Variants in PTPRD observed in about 807,000 individuals in gnomAD.
PTPRD encodes protein tyrosine phosphatase receptor type D.
Under a neutral mutation model 214.5 loss-of-function variants are expected in PTPRD, and 34 were observed. The ratio of observed to expected loss-of-function variants is 0.16; its 90% CI spans 0.12 to 0.21. The LOEUF (loss-of-function observed/expected upper bound fraction) is 0.21. Among genes scored for constraint, PTPRD ranks in the 10% least tolerant of loss-of-function variants. The probability of loss-of-function intolerance (pLI) is 1.00; values close to 1 mark genes in which losing one functional copy is unlikely to be tolerated. For missense variants in PTPRD, 2,545 were observed against 2,398.7 expected (o/e 1.06, Z -1.27); for synonymous variants, 1,128 against 845.7 (o/e 1.33, Z -5.79).
chr9:10,097,745 G>A (rs954313079), intron 3 of PTPRD, among the ~76,000 whole-genome samples: 5 of 151,878 alleles, frequency 3.3e-5, no homozygotes, highest in South Asian at 2.1e-4. Context: ...TCTCCTGCCT[G>A]ATTGCCCTGG....
intron 11 of PTPRD, among the ~76,000 whole-genome samples, chr9:8,873,746 C>T (rs993495150): frequency 6.6e-6 from 1 of 152,022 alleles, no homozygotes; most frequent in Non-Finnish European, 1.5e-5. Flanking sequence ...GGGACTAGGT[C>T]TCGTTGGTGT....
At chr9:9,409,456 T>C (rs1020404981) in intron 8 of PTPRD, among the ~76,000 whole-genome samples, 8 of 152,104 alleles carry the variant, frequency 5.3e-5, no homozygotes, top group African/African-American at 1.7e-4. Context: ...ACTTCAAATA[T>C]GCAGTATTAA....
intron 7 of PTPRD, among the ~76,000 whole-genome samples, chr9:9,579,038 G>T (rs1026398570): frequency 2.8e-4 from 43 of 151,916 alleles, no homozygotes; most frequent in African/African-American, 8.9e-4. Context: ...TTAATCCAAG[G>T]AGTCTTGCTT....
At chr9:9,715,794 A>G (rs1249909538) in intron 7 of PTPRD, among the ~76,000 whole-genome samples, 1 of 152,210 alleles carries the variant, frequency 6.6e-6, no homozygotes, top group Non-Finnish European at 1.5e-5. Flanking sequence ...TTCACAGAAT[A>G]TATAATTCTA....
chr9:8,469,279 G>C (rs763099668), intron 31 of PTPRD, among the ~76,000 whole-genome samples: 18 of 152,160 alleles, frequency 1.2e-4, no homozygotes, highest in Non-Finnish European at 2.4e-4. Context: ...GGCTACAAAA[G>C]AGAATCACTT....
chr9:10,554,775 C>T (rs925300573), intron 2 of PTPRD, among the ~76,000 whole-genome samples: 2 of 152,138 alleles, frequency 1.3e-5, no homozygotes, highest in African/African-American at 4.8e-5. Flanking sequence ...ATTCTCCTGC[C>T]TCAGCCTCCC....
chr9:9,321,000 T>C (rs776581067), intron 9 of PTPRD, among the ~76,000 whole-genome samples: 1 of 152,046 alleles, frequency 6.6e-6, no homozygotes, highest in African/African-American at 2.4e-5. Flanking sequence ...ATAAACAATA[T>C]GGGTCAGTGA....
chr9:9,584,929 T>C (rs2091659236), intron 7 of PTPRD, among the ~76,000 whole-genome samples: 1 of 152,032 alleles, frequency 6.6e-6, no homozygotes, highest in South Asian at 2.1e-4. Context: ...AAAATTCTAA[T>C]GATGCCCTTT....
intron 6 of PTPRD, among the ~76,000 whole-genome samples, chr9:9,754,266 G>A (rs1429410449): frequency 6.6e-6 from 1 of 152,020 alleles, no homozygotes; most frequent in East Asian, 1.9e-4. Flanking sequence ...CAATCTTCCA[G>A]AGGGTACAAA....
In PTPRD at chr9:8,521,296, T is replaced by G; in HGVS notation, c.942A>C (p.Ile314=). The G allele has an allele frequency of 6.2e-7, 1 of 1,613,640 alleles. No individual in the cohort carries two copies. The highest frequency in any genetic ancestry group is 8.5e-7 in the Non-Finnish European group (1 of 1,179,696). Residue 314 remains isoleucine, a synonymous_variant, in exon 20 of 46, where the codon ATA becomes ATC. Coordinates refer to ENST00000381196, the MANE Select transcript of PTPRD (RefSeq NM_002839.4). The part of the protein sequence containing the change: ...AMSTLGVIEA[I]AQITVKALPK... ...GCATACCTTTGACAGTGATCTGTGC[T>G]ATTGCTTCAATGACACCCAGTGTTG...
At chr9:9,534,085 TAAAAATAGGGGC>T (rs2076041649) in intron 8 of PTPRD, among the ~76,000 whole-genome samples, 1 of 151,994 alleles carries the variant, frequency 6.6e-6, no homozygotes, top group Non-Finnish European at 1.5e-5. Flanking sequence ...GCAGGATATT[TAAAAATAGGGGC>T]AAAAGAGAGT....
chr9:8,481,470 T>G (rs1045554003), intron 30 of PTPRD, among the ~76,000 whole-genome samples: 3 of 152,322 alleles, frequency 2.0e-5, no homozygotes, highest in Admixed American at 6.5e-5. Flanking sequence ...ATTTCTGATT[T>G]TGTTTTTTAA....
chr9:9,959,028 G>C (rs368442202), intron 4 of PTPRD, among the ~76,000 whole-genome samples: 3 of 152,104 alleles, frequency 2.0e-5, no homozygotes, highest in Non-Finnish European at 2.9e-5. Flanking sequence ...TAAAAGTTAT[G>C]TTCACACCAA....
chr9:8,326,813 C>T (rs1834267450), intron 44 of PTPRD, among the ~76,000 whole-genome samples: 1 of 149,552 alleles, frequency 6.7e-6, no homozygotes, highest in South Asian at 2.2e-4. Flanking sequence ...GGAATTTATC[C>T]ATTTCTTCTA....
At chr9:9,359,427 G>T (rs2055126830) in intron 9 of PTPRD, among the ~76,000 whole-genome samples, 1 of 151,252 alleles carries the variant, frequency 6.6e-6, no homozygotes, top group Admixed American at 6.6e-5. Flanking sequence ...AGGTTGTGAA[G>T]ATTTCTAACA....
At chr9:9,390,690 A>G (rs1460456153) in intron 9 of PTPRD, among the ~76,000 whole-genome samples, 1 of 152,180 alleles carries the variant, frequency 6.6e-6, no homozygotes, top group African/African-American at 2.4e-5. Context: ...TTACATGATC[A>G]ACTGAAGCAG....
chr9:8,440,263 T>C (rs985002067), intron 34 of PTPRD, among the ~76,000 whole-genome samples: 13 of 152,150 alleles, frequency 8.5e-5, no homozygotes, highest in African/African-American at 2.9e-4. Flanking sequence ...AGGGAGGGCT[T>C]GCCAGTGTCA....
chr9:9,066,670 C>T (rs1487676589), intron 10 of PTPRD, among the ~76,000 whole-genome samples: 2 of 151,928 alleles, frequency 1.3e-5, no homozygotes. Flanking sequence ...AAGAGAGAGG[C>T]AGACGAAGAT....
At chr9:10,497,932 C>T (rs1484201735) in intron 2 of PTPRD, among the ~76,000 whole-genome samples, 1 of 151,884 alleles carries the variant, frequency 6.6e-6, no homozygotes, top group Non-Finnish European at 1.5e-5. Context: ...CACTGGATTG[C>T]TTATCTAGTC....
Sources: gnomAD v4.1 joint callset for allele counts (sites outside exome capture counted in the v4.1 genomes callset) on GRCh38, gnomAD v4.1.1 for gene constraint, MANE v1.5 for transcripts, NCBI Gene and HGNC (gene_info 2026-07-23, HGNC 2026-07-21) for gene names.